Variants in CNTN5 observed in about 807,000 individuals in gnomAD.
CNTN5 encodes the protein contactin 5, also known as contactin-5.
CNTN5 carries 77 observed loss-of-function variants against 129.1 expected under a neutral mutation model. The observed-to-expected ratio is 0.60, with a 90% CI of 0.50 to 0.72. CNTN5 has a LOEUF of 0.72. Among genes scored for constraint, CNTN5 ranks in the 30% least tolerant of loss-of-function variants. The pLI, the probability that CNTN5 is intolerant of heterozygous loss-of-function variation, is 0.00. For missense variants in CNTN5, 1,478 were observed against 1,328.8 expected, an observed-to-expected ratio of 1.11 and a Z score of -1.75; for synonymous variants, 509 against 465.6, an observed-to-expected ratio of 1.09 and a Z score of -1.20.
chr11:99,105,899 A>G (rs1866971274), intron 1 of CNTN5, among the ~76,000 whole-genome samples: 8 of 152,186 alleles, frequency 5.3e-5, no homozygotes, highest in Admixed American at 5.2e-4. Flanking sequence ...TTGTCTATAG[A>G]CCTGTAGAGA....
intron 9 of CNTN5, among the ~76,000 whole-genome samples, chr11:100,016,955 A>T (rs1030172749): frequency 6.6e-6 from 1 of 151,784 alleles, no homozygotes; most frequent in African/African-American, 2.4e-5. Context: ...GAAAAACATA[A>T]TTCTCATTAA....
At chr11:99,088,884 A>G (rs922720085) in intron 1 of CNTN5, among the ~76,000 whole-genome samples, 1 of 152,204 alleles carries the variant, frequency 6.6e-6, no homozygotes, top group African/African-American at 2.4e-5. Context: ...TTCTCTACTC[A>G]ATTTTGCTTT....
chr11:100,086,216 A>G (rs1034362998), intron 13 of CNTN5, among the ~76,000 whole-genome samples: 3 of 151,162 alleles, frequency 2.0e-5, no homozygotes, highest in Non-Finnish European at 4.4e-5. Flanking sequence ...TTTTTAAATT[A>G]TATTTATTTT....
intron 1 of CNTN5, among the ~76,000 whole-genome samples, chr11:99,131,358 A>G (rs539649950): frequency 1.2e-4 from 19 of 152,014 alleles, no homozygotes; most frequent in South Asian, 6.2e-4. Context: ...TAGAGAACCA[A>G]GAGCAAAGAA....
chr11:100,119,363 G>A (rs1945941709), intron 13 of CNTN5, among the ~76,000 whole-genome samples: 4 of 151,792 alleles, frequency 2.6e-5, no homozygotes, highest in South Asian at 2.1e-4. Flanking sequence ...CATGATTATT[G>A]CTATGCTCTT....
At chr11:99,393,669 C>A (rs1941378154) in intron 2 of CNTN5, among the ~76,000 whole-genome samples, 1 of 151,778 alleles carries the variant, frequency 6.6e-6, no homozygotes, top group African/African-American at 2.4e-5. Flanking sequence ...TTTTTACTGG[C>A]TTCTCATTCC....
At chr11:100,039,709 T>A (rs568251195) in intron 9 of CNTN5, among the ~76,000 whole-genome samples, 1 of 152,204 alleles carries the variant, frequency 6.6e-6, no homozygotes, top group Non-Finnish European at 1.5e-5. Context: ...CTTGCTTCAT[T>A]TCATTCATTT....
chr11:99,043,553 AAT>A (rs1416841954), intron 1 of CNTN5, among the ~76,000 whole-genome samples: 2 of 152,224 alleles, frequency 1.3e-5, no homozygotes, highest in Admixed American at 6.5e-5. Context: ...CATTAATGAA[AAT>A]AGACTACAGG....
chr11:99,639,700 G>A (rs144494944), intron 3 of CNTN5, among the ~76,000 whole-genome samples: 1 of 151,246 alleles, frequency 6.6e-6, no homozygotes, highest in Admixed American at 6.6e-5. Flanking sequence ...AAGTAGCTGA[G>A]ATTACAGGCA....
intron 2 of CNTN5, among the ~76,000 whole-genome samples, chr11:99,397,209 A>G (rs923458487): frequency 2.6e-5 from 4 of 151,798 alleles, no homozygotes; most frequent in African/African-American, 9.7e-5. Flanking sequence ...ATGTTTTTCC[A>G]TGGTAAGAGT....
chr11:100,066,862 A>G (rs768586067), intron 10 of CNTN5, among the ~76,000 whole-genome samples: 4 of 150,632 alleles, frequency 2.7e-5, no homozygotes, highest in Non-Finnish European at 5.9e-5. Context: ...TTTAAATGTA[A>G]CCTTTTATGT....
chr11:99,085,840 C>G (rs891647459), intron 1 of CNTN5, among the ~76,000 whole-genome samples: 8 of 152,126 alleles, frequency 5.3e-5, no homozygotes, highest in African/African-American at 1.9e-4. Flanking sequence ...TTCCCCCCTC[C>G]TAGTGACATT....
At chr11:99,713,595 A>G (rs1240816617) in intron 3 of CNTN5, among the ~76,000 whole-genome samples, 1 of 151,984 alleles carries the variant, frequency 6.6e-6, no homozygotes, top group Non-Finnish European at 1.5e-5. Context: ...AATTGCTTTC[A>G]GTATCATAAA....
intron 3 of CNTN5, among the ~76,000 whole-genome samples, chr11:99,716,649 T>C (rs1350332450): frequency 6.6e-6 from 1 of 152,064 alleles, no homozygotes; most frequent in Non-Finnish European, 1.5e-5. Context: ...GTAATAAATC[T>C]CTTACCCTCA....
chr11:99,987,180 A>C (rs972850731), intron 8 of CNTN5, among the ~76,000 whole-genome samples: 8 of 152,072 alleles, frequency 5.3e-5, no homozygotes, highest in Non-Finnish European at 1.2e-4. Context: ...AGATTCACTA[A>C]TTGTCATCAA....
At chr11:99,742,277 C>T (rs541896865) in intron 3 of CNTN5, among the ~76,000 whole-genome samples, 79 of 152,190 alleles carry the variant, frequency 5.2e-4, no homozygotes, top group Non-Finnish European at 1.0e-3. Flanking sequence ...GTCAGAATGG[C>T]AATGCTTATC....
intron 3 of CNTN5, among the ~76,000 whole-genome samples, chr11:99,774,494 T>A (rs1201105209): frequency 3.4e-5 from 5 of 145,114 alleles, no homozygotes; most frequent in Non-Finnish European, 4.5e-5. Context: ...ATAGGAGAAG[T>A]AAAAAAAAAA....
intron 1 of CNTN5, among the ~76,000 whole-genome samples, chr11:99,109,126 TG>T (rs1357407107): frequency 1.4e-4 from 21 of 151,788 alleles, no homozygotes; most frequent in African/African-American, 5.1e-4. Context: ...CATGTCTATA[TG>T]TATATATACA....
chr11:99,851,242 A>G (rs1426292933), intron 6 of CNTN5, among the ~76,000 whole-genome samples: 1 of 152,172 alleles, frequency 6.6e-6, no homozygotes, highest in Non-Finnish European at 1.5e-5. Context: ...GTGTAGTAAA[A>G]ATTAATGAGG....
Sources: gnomAD v4.1 joint callset for allele counts (sites outside exome capture counted in the v4.1 genomes callset) on GRCh38, gnomAD v4.1.1 for gene constraint, MANE v1.5 for transcripts, NCBI Gene and HGNC (gene_info 2026-07-23, HGNC 2026-07-21) for gene names.